ZHX3: variants seen among roughly 807,000 people sequenced by gnomAD.
The protein encoded by ZHX3 is zinc fingers and homeoboxes protein 3.
In ZHX3, 20 loss-of-function variants were observed where a neutral mutation model predicts 64.5. That is an observed-to-expected ratio of 0.31 (90% CI 0.22 to 0.45). The LOEUF (loss-of-function observed/expected upper bound fraction) is 0.45, where lower values mean the gene tolerates loss of function less well. Ranked by LOEUF, ZHX3 falls within the 20% of genes least tolerant of loss-of-function variation. The pLI is 1.00. For synonymous variants in ZHX3, 423 were observed against 461.6 expected (o/e 0.92, Z 1.07); for missense variants, 1,041 against 1,195.8 (o/e 0.87, Z 1.91).
At chr20:41,211,128 A>G (rs1479873903) in intron 2 of ZHX3, among the ~76,000 whole-genome samples, 1 of 152,184 alleles carries the variant, frequency 6.6e-6, no homozygotes, top group Non-Finnish European at 1.5e-5. Context: ...TAACTCAAAA[A>G]GAAATAATAA....
intron 1 of ZHX3, among the ~76,000 whole-genome samples, chr20:41,272,832 T>C (rs1210287681): frequency 1.3e-5 from 2 of 152,198 alleles, no homozygotes; most frequent in Non-Finnish European, 2.9e-5. Context: ...AGTGTTGCCA[T>C]GAACATGAGT....
chr20:41,216,189 C>G (rs2039521255), intron 2 of ZHX3, among the ~76,000 whole-genome samples: 1 of 152,148 alleles, frequency 6.6e-6, no homozygotes, highest in Non-Finnish European at 1.5e-5. Flanking sequence ...GTATAACAGA[C>G]CATAAATAAA....
rs997744135 is a variant in ZHX3 at position 41,195,181 on chromosome 20, C to T, written c.2860+6876G>A. On this transcript the variant is annotated intron_variant, in intron 3 of 3. Coordinates refer to ENST00000683867, the MANE Select transcript of ZHX3 (RefSeq NM_001384317.1). The surrounding 1 kb of genome is among the most constrained non-coding windows in gnomAD (Gnocchi z 4.2). ...TCACCCAGGCTGGAATGCAGTGGTG[C>T]AAGTATAGCTCACTATAACCTCAAA... Among the ~76,000 whole-genome samples the T allele has an allele frequency of 6.6e-6, 1 of 152,154 alleles. No homozygotes were observed. Among genetic ancestry groups the T allele is most frequent in the South Asian group, 2.1e-4 (1 of 4,832 alleles).
At chr20:41,264,048 A>C (rs1010678071) in intron 2 of ZHX3, among the ~76,000 whole-genome samples, 1 of 152,188 alleles carries the variant, frequency 6.6e-6, no homozygotes, top group Non-Finnish European at 1.5e-5. Flanking sequence ...ATGAGTTTTT[A>C]ATCAAAAATG....
At chr20:41,279,906 G>A (rs1338414736) in intron 1 of ZHX3, among the ~76,000 whole-genome samples, 2 of 152,212 alleles carry the variant, frequency 1.3e-5, no homozygotes, top group Non-Finnish European at 2.9e-5. Flanking sequence ...TGTAGAAGTA[G>A]AAGTGAGCCC....
intron 1 of ZHX3, among the ~76,000 whole-genome samples, chr20:41,310,677 G>A: frequency 6.9e-6 from 1 of 145,420 alleles, no homozygotes; most frequent in African/African-American, 2.5e-5. Context: ...AGATGGGGAA[G>A]AGGTTTTTTT....
chr20:41,263,221 G>A (rs927434826), intron 2 of ZHX3, among the ~76,000 whole-genome samples: 1 of 152,054 alleles, frequency 6.6e-6, no homozygotes, highest in African/African-American at 2.4e-5. Context: ...TTGCAAGATA[G>A]GCTATGAAAT....
intron 1 of ZHX3, among the ~76,000 whole-genome samples, chr20:41,269,926 A>C (rs2043048476): frequency 6.6e-6 from 1 of 151,946 alleles, no homozygotes; most frequent in Non-Finnish European, 1.5e-5. Context: ...TAACTTCTTA[A>C]CACCAGCATC....
At chr20:41,242,819 A>C (rs1356398815) in intron 2 of ZHX3, among the ~76,000 whole-genome samples, 2 of 152,230 alleles carry the variant, frequency 1.3e-5, no homozygotes, top group South Asian at 2.1e-4. Context: ...ATTGTTTAAT[A>C]ATTAAGTGAT....
At chr20:41,300,301 T>A (rs1010526117) in intron 1 of ZHX3, among the ~76,000 whole-genome samples, 3 of 152,228 alleles carry the variant, frequency 2.0e-5, no homozygotes, top group African/African-American at 7.2e-5. Flanking sequence ...GTCATTTTTT[T>A]TTCCTTTCAG....
intron 1 of ZHX3, among the ~76,000 whole-genome samples, chr20:41,296,731 G>C (rs965451705): frequency 1.3e-5 from 2 of 152,154 alleles, no homozygotes; most frequent in Admixed American, 1.3e-4. Context: ...CCTCTGATTG[G>C]GTTTAGCCAA....
intron 2 of ZHX3, among the ~76,000 whole-genome samples, chr20:41,261,118 G>T (rs773241555): frequency 3.9e-5 from 6 of 152,166 alleles, no homozygotes; most frequent in Non-Finnish European, 7.3e-5. Context: ...CACATCATTA[G>T]CAAAGAGGAT....
intron 1 of ZHX3, among the ~76,000 whole-genome samples, chr20:41,288,043 T>C (rs1035189789): frequency 6.6e-5 from 10 of 152,218 alleles, no homozygotes; most frequent in African/African-American, 1.9e-4. Context: ...TTATTTATTT[T>C]TGAGACAGGG....
chr20:41,282,384 A>C (rs1393623250), intron 1 of ZHX3, among the ~76,000 whole-genome samples: 1 of 32,988 alleles, frequency 3.0e-5, no homozygotes, highest in African/African-American at 1.4e-4. Context: ...TTTTTTTGCG[A>C]AGTCTAGCTT....
chr20:41,255,200 G>A (rs2042184201), intron 2 of ZHX3, among the ~76,000 whole-genome samples: 2 of 152,094 alleles, frequency 1.3e-5, no homozygotes, highest in African/African-American at 4.8e-5. Context: ...CGCCCAGGCT[G>A]GAGTGCAGTG....
intron 2 of ZHX3, among the ~76,000 whole-genome samples, chr20:41,267,061 G>A (rs1052543516): frequency 4.0e-5 from 6 of 150,736 alleles, no homozygotes; most frequent in African/African-American, 1.2e-4. Context: ...TGGCCAGGCT[G>A]GTCTTGAACT....
chr20:41,227,688 T>C (rs1037789212), intron 2 of ZHX3, among the ~76,000 whole-genome samples: 1 of 152,250 alleles, frequency 6.6e-6, no homozygotes, highest in Non-Finnish European at 1.5e-5. Context: ...ATGTAATGTG[T>C]CTGCCATTAT....
chr20:41,236,539 A>G (rs969125212), intron 2 of ZHX3, among the ~76,000 whole-genome samples: 1 of 152,262 alleles, frequency 6.6e-6, no homozygotes, highest in African/African-American at 2.4e-5. Context: ...CCTATTTAAT[A>G]AACGGTGCTG....
chr20:41,242,275 G>A (rs2041432133), intron 2 of ZHX3, among the ~76,000 whole-genome samples: 1 of 152,182 alleles, frequency 6.6e-6, no homozygotes, highest in African/African-American at 2.4e-5. Flanking sequence ...ACCAAGGCTT[G>A]AATGGCTAAG....
Sources: allele counts gnomAD v4.1 joint callset (sites outside exome capture counted in the v4.1 genomes callset), GRCh38; gene constraint gnomAD v4.1.1; non-coding constraint Gnocchi (gnomAD v3.1); transcripts MANE v1.5; gene names NCBI Gene and HGNC (gene_info 2026-07-23, HGNC 2026-07-21).